The following LARS2 variants were observed in gnomAD, a reference collection of about 807,000 sequenced individuals.
LARS2 encodes the protein leucine--tRNA ligase, mitochondrial.
LARS2 carries 81 observed loss-of-function variants against 116.6 expected under a neutral mutation model. That is an observed-to-expected ratio of 0.69 (90% confidence interval 0.58 to 0.84). The LOEUF is 0.84. Ranked by LOEUF, LARS2 falls within the 40% of genes least tolerant of loss-of-function variation. The pLI is 0.00. For synonymous variants in LARS2, 396 were observed against 407.2 expected, an observed-to-expected ratio of 0.97 and a Z score of 0.33; for missense variants, 968 against 1,114.5, an observed-to-expected ratio of 0.87 and a Z score of 1.87.
chr3:45,528,361 A>G (rs1203699602), intron 20 of LARS2, among the ~76,000 whole-genome samples: 1 of 151,824 alleles, frequency 6.6e-6, no homozygotes, highest in East Asian at 1.9e-4. Context: ...AAGTAAAATG[A>G]TTGTGTTCAC....
At chr3:45,512,954 C>T (rs891502455) in intron 15 of LARS2, among the ~76,000 whole-genome samples, 181 bp from the exon 16 acceptor site, 1 of 152,140 alleles carries the variant, frequency 6.6e-6, no homozygotes, top group Non-Finnish European at 1.5e-5. Flanking sequence ...AATTTATTTT[C>T]TTATCACTTA....
At chr3:45,463,482 G>C (rs1424057392) in intron 8 of LARS2, among the ~76,000 whole-genome samples, 2 of 152,170 alleles carry the variant, frequency 1.3e-5, no homozygotes, top group Non-Finnish European at 2.9e-5. Flanking sequence ...CAGGGCTCAG[G>C]CCTTTCTTTG....
chr3:45,508,448 G>A (rs1352847127), intron 15 of LARS2, among the ~76,000 whole-genome samples: 1 of 152,098 alleles, frequency 6.6e-6, no homozygotes, highest in African/African-American at 2.4e-5. Context: ...ATGAGCCATG[G>A]CTAATACTTA....
At chr3:45,541,619 C>T (rs962273784) in intron 20 of LARS2, 11 of 568,760 alleles carry the variant, frequency 1.9e-5, no homozygotes, top group East Asian at 3.0e-5. Context: ...TACAGCTCTG[C>T]GTGCCATTTG....
At position 45,535,563 on chromosome 3, in the gene LARS2, C is replaced by T. The variant is rs1575319482; in HGVS notation, c.2405-6266C>T. On this transcript the variant is annotated intron_variant, in intron 20 of 21. Transcript: ENST00000645846. ...CTACCATATTATTCCATTTATATAA[C>T]AGTCCTGAGATAACACAATTGTAGA... Among the ~76,000 whole-genome samples the T allele has an allele frequency of 2.6e-5, 4 of 152,086 alleles. No homozygotes were observed. The East Asian group carries it at 7.7e-4, about 29-fold the overall frequency.
intron 16 of LARS2, 24 bp from the exon 17 acceptor site, chr3:45,516,070 C>T (rs1389062513): frequency 6.2e-7 from 1 of 1,602,146 alleles, no homozygotes; most frequent in Non-Finnish European, 8.5e-7. Flanking sequence ...ACATACCATA[C>T]CTATGGATTA....
chr3:45,530,928 A>G (rs1444891146), intron 20 of LARS2, among the ~76,000 whole-genome samples: 2 of 152,206 alleles, frequency 1.3e-5, no homozygotes, highest in East Asian at 1.9e-4. Flanking sequence ...TGACATTTCA[A>G]TTGAAATGTG....
At position 45,508,538 on chromosome 3, in the gene LARS2, A is replaced by T. The variant is rs536347445; in HGVS notation, c.1761-4597A>T. Among the ~76,000 whole-genome samples the T allele has an allele frequency of 5.0e-4, 76 of 152,192 alleles. 1 individual carries two copies. Among genetic ancestry groups the T allele is most frequent in the Non-Finnish European group, 9.9e-4 (67 of 67,976 alleles). ...AGGAAGGTAAACTTAGTCTGATTTA[A>T]TGAAAAGTCCAATTTGGAGACCATT... On this transcript the variant is annotated intron_variant, in intron 15 of 21. Coordinates refer to ENST00000645846, the MANE Select transcript of LARS2 (RefSeq NM_015340.4).
chr3:45,416,749 T>C (rs2125685941), intron 4 of LARS2, among the ~76,000 whole-genome samples: 1 of 152,294 alleles, frequency 6.6e-6, no homozygotes, highest in South Asian at 2.1e-4. Flanking sequence ...GTGTGGCTAC[T>C]GGCTACCATA....
chr3:45,503,371 C>T lies in LARS2; in HGVS notation c.1760+2792C>T, dbSNP rs551710865. Among the ~76,000 whole-genome samples, 11 of 152,196 alleles carry T rather than the reference C, an allele frequency of 7.2e-5. No homozygotes were observed. The South Asian group carries it at 1.2e-3, about 17-fold the overall frequency. ...TCATTGATGATTTCTGGTTCAGTGA[C>T]GATTCCTGCCTTGTTTGAGATCTTC... On this transcript the variant is annotated intron_variant, in intron 15 of 21. Coordinates refer to ENST00000645846, the MANE Select transcript of LARS2 (RefSeq NM_015340.4).
chr3:45,405,511 A>G (rs1559457673), intron 4 of LARS2, among the ~76,000 whole-genome samples: 1 of 152,182 alleles, frequency 6.6e-6, no homozygotes, highest in Non-Finnish European at 1.5e-5. Flanking sequence ...TGTTTCTCAA[A>G]CTTTAGAACT....
intron 15 of LARS2, among the ~76,000 whole-genome samples, chr3:45,505,908 T>A (rs1264669981): frequency 2.0e-5 from 3 of 152,078 alleles, no homozygotes; most frequent in Non-Finnish European, 2.9e-5. Flanking sequence ...AGTTTAAGAC[T>A]ATATTCAAGC....
At chr3:45,445,130 A>C (rs544459801) in intron 6 of LARS2, among the ~76,000 whole-genome samples, 14 of 152,192 alleles carry the variant, frequency 9.2e-5, no homozygotes, top group Non-Finnish European at 1.3e-4. Context: ...TTTGTGGTGA[A>C]ACCTACATGA....
chr3:45,410,195 C>T (rs1458356930), intron 4 of LARS2, among the ~76,000 whole-genome samples: 1 of 152,150 alleles, frequency 6.6e-6, no homozygotes, highest in African/African-American at 2.4e-5. Flanking sequence ...CGTTATTCTG[C>T]CAGTAACACA....
Position 45,500,531 on chromosome 3 carries a change from C to T in LARS2, c.1712C>T (p.Ala571Val), listed in dbSNP as rs991863991. Reference sequence around the variant, plus strand: ...CATGCCGTCATGCACTTGTTCTATGCAAGATTCTTTAGTCATTTTTGCCAT... The same window carrying T: ...CATGCCGTCATGCACTTGTTCTATGTAAGATTCTTTAGTCATTTTTGCCAT... ...KEHAVMHLFY[A>V]RFFSHFCHDQ... The change falls in exon 15 of 22, where the codon GCA becomes GTA. Residue 571 changes from alanine (A) to valine (V), a missense_variant. Ala to Val is a moderately conservative substitution (Grantham distance 64). Coordinates refer to ENST00000645846, the MANE Select transcript of LARS2 (RefSeq NM_015340.4). 1 of 1,575,002 alleles carries T rather than the reference C, an allele frequency of 6.3e-7. No individual in the cohort carries two copies. Among genetic ancestry groups the T allele is most frequent in the African/African-American group, 1.4e-5 (1 of 72,320 alleles).
At chr3:45,522,827 A>T (rs1316619584) in intron 19 of LARS2, among the ~76,000 whole-genome samples, 1 of 152,182 alleles carries the variant, frequency 6.6e-6, no homozygotes, top group Non-Finnish European at 1.5e-5. Context: ...CAGGGCAGGC[A>T]GATGGCTTGA....
intron 20 of LARS2, among the ~76,000 whole-genome samples, chr3:45,540,754 A>C (rs71325067): frequency 1.1e-4 from 11 of 99,716 alleles, no homozygotes; most frequent in East Asian, 2.4e-4. Flanking sequence ...CTGTCTATCT[A>C]TCTATCTATC....
At chr3:45,492,565 G>A (rs560803538) in intron 13 of LARS2, among the ~76,000 whole-genome samples, 11 of 152,304 alleles carry the variant, frequency 7.2e-5, no homozygotes, top group Admixed American at 6.5e-4. Context: ...AGTGTAATTG[G>A]AAGTCTTGAG....
At chr3:45,444,038 T>C (rs1294559180) in intron 6 of LARS2, among the ~76,000 whole-genome samples, 6 of 148,796 alleles carry the variant, frequency 4.0e-5, no homozygotes, top group Non-Finnish European at 8.9e-5. Context: ...AGAGTCTTGC[T>C]CTGTTGTCCA....
Sources: allele counts gnomAD v4.1 joint callset (sites outside exome capture counted in the v4.1 genomes callset), GRCh38; gene constraint gnomAD v4.1.1; transcripts MANE v1.5; gene names NCBI Gene and HGNC (gene_info 2026-07-23, HGNC 2026-07-21).